Variants in GRIN2A observed in about 807,000 individuals in gnomAD.
GRIN2A encodes the protein glutamate ionotropic receptor NMDA type subunit 2A, also known as glutamate receptor ionotropic, NMDA 2A.
GRIN2A carries 22 observed loss-of-function variants against 113.4 expected under a neutral mutation model. The observed-to-expected ratio is 0.19, with a 90% confidence interval of 0.14 to 0.28. The LOEUF (loss-of-function observed/expected upper bound fraction) is 0.28, where lower values mean the gene tolerates loss of function less well. GRIN2A is among the 10% of genes least tolerant of loss of function. The probability of loss-of-function intolerance (pLI) is 1.00; values close to 1 mark genes in which losing one functional copy is unlikely to be tolerated. For missense variants in GRIN2A, 1,502 were observed against 1,887.0 expected (o/e 0.80, Z 3.78); for synonymous variants, 827 against 738.4 (o/e 1.12, Z -1.94).
In GRIN2A at chr16:9,756,826, G is replaced by A. The variant is rs148431972; in HGVS notation, c.*6323C>T. The A allele has an allele frequency of 2.5e-3, 460 of 183,158 alleles. 3 individuals carry two copies. The highest frequency in any genetic ancestry group is 0.01 in the African/African-American group (431 of 42,652). 11.3% of individuals were successfully genotyped at this position (183,158 alleles called of 1,614,324 possible). On this transcript the variant is annotated 3_prime_UTR_variant, in exon 13 of 13. Coordinates refer to ENST00000330684, the MANE Select transcript of GRIN2A (RefSeq NM_001134407.3). ...GAATGGGATAGACAGAGTGACAAAA[G>A]CTCCCTCTCCACCTCGCCATCCTTC...
chr16:10,032,400 T>C (rs530900616), intron 2 of GRIN2A, among the ~76,000 whole-genome samples: 11 of 152,360 alleles, frequency 7.2e-5, no homozygotes, highest in African/African-American at 2.6e-4. Flanking sequence ...TTTCATCTAA[T>C]TTGATACCTT....
chr16:10,036,437 C>CTTTTTTTTTTTTTTTTTT (rs1360199200), intron 2 of GRIN2A, among the ~76,000 whole-genome samples: 1 of 92,670 alleles, frequency 1.1e-5, no homozygotes, highest in Non-Finnish European at 2.3e-5. Context: ...TTAGTACTTA[C>CTTTTTTTTTTTTTTTTTT]TTTTTTTTTT....
chr16:10,042,182 T>G (rs954586345), intron 2 of GRIN2A, among the ~76,000 whole-genome samples: 1 of 152,168 alleles, frequency 6.6e-6, no homozygotes, highest in African/African-American at 2.4e-5. Context: ...TCTGCAAATT[T>G]TTCAATACTC....
At chr16:10,033,146 G>A (rs769968244) in intron 2 of GRIN2A, among the ~76,000 whole-genome samples, 12 of 152,148 alleles carry the variant, frequency 7.9e-5, no homozygotes, top group African/African-American at 2.7e-4. Flanking sequence ...CCTACCAACC[G>A]TGAACTGTTA....
chr16:10,134,653 G>A (rs1481876347), intron 2 of GRIN2A, among the ~76,000 whole-genome samples: 1 of 152,078 alleles, frequency 6.6e-6, no homozygotes, highest in Admixed American at 6.6e-5. Context: ...TTTAGGGAGT[G>A]TAATGGCCTT....
intron 3 of GRIN2A, among the ~76,000 whole-genome samples, chr16:9,933,086 G>T (rs2044633846): frequency 6.6e-6 from 1 of 152,216 alleles, no homozygotes; most frequent in African/African-American, 2.4e-5. Context: ...TTTAATAACT[G>T]TGCAGTAGCA....
intron 3 of GRIN2A, among the ~76,000 whole-genome samples, chr16:9,912,477 T>A (rs745651237): frequency 8.0e-6 from 1 of 125,344 alleles, no homozygotes; most frequent in South Asian, 2.7e-4. Flanking sequence ...AATGAAAAGA[T>A]AAAGCACTCT....
chr16:9,875,208 T>C (rs901858898), intron 4 of GRIN2A, among the ~76,000 whole-genome samples: 1 of 152,136 alleles, frequency 6.6e-6, no homozygotes, highest in African/African-American at 2.4e-5. Context: ...GGTGAATCTA[T>C]AGCCCCTAGG....
At chr16:9,929,384 ACAC>A (rs1474921537) in intron 3 of GRIN2A, among the ~76,000 whole-genome samples, 2 of 152,208 alleles carry the variant, frequency 1.3e-5, no homozygotes, top group African/African-American at 4.8e-5. Flanking sequence ...TTAGTAAAAG[ACAC>A]CACCATCTAC....
intron 2 of GRIN2A, among the ~76,000 whole-genome samples, chr16:10,016,951 T>G (rs1250692610): frequency 6.6e-6 from 1 of 152,178 alleles, no homozygotes; most frequent in Non-Finnish European, 1.5e-5. Flanking sequence ...CACTGGAAAA[T>G]GGCCCCAGGC....
intron 2 of GRIN2A, among the ~76,000 whole-genome samples, chr16:10,011,499 C>A (rs141788473): frequency 1.3e-5 from 2 of 152,218 alleles, no homozygotes; most frequent in Non-Finnish European, 2.9e-5. Flanking sequence ...CCAAATCAAC[C>A]ACTCATTCTC....
intron 2 of GRIN2A, among the ~76,000 whole-genome samples, chr16:9,976,402 T>A (rs1300969046): frequency 6.6e-6 from 1 of 152,204 alleles, no homozygotes; most frequent in Admixed American, 6.5e-5. Flanking sequence ...CTAACTGGTC[T>A]CCTGTAACCA....
chr16:10,030,833 G>T (rs2046914628), intron 2 of GRIN2A, among the ~76,000 whole-genome samples: 1 of 152,194 alleles, frequency 6.6e-6, no homozygotes, highest in Non-Finnish European at 1.5e-5. Context: ...AGGCTTCAGA[G>T]ATACAGCAGT....
chr16:10,075,521 G>C (rs1010282078), intron 2 of GRIN2A, among the ~76,000 whole-genome samples: 2 of 152,130 alleles, frequency 1.3e-5, no homozygotes, highest in African/African-American at 4.8e-5. Flanking sequence ...GATGGATACT[G>C]ATGATGATTG....
Position 9,966,588 on chromosome 16 carries a change from A to G in GRIN2A, c.415-28037T>C, listed in dbSNP as rs111750577. Among the ~76,000 whole-genome samples, 833 of 152,308 alleles carry G rather than the reference A, an allele frequency of 5.5e-3. 7 individuals carry two copies. Among genetic ancestry groups the G allele is most frequent in the African/African-American group, 0.018 (741 of 41,564 alleles). Reference sequence around the variant, plus strand: ...TGAACAGTCCTGCAAGAACATACACATGCCCGTGTCCTTATAATAGAACGA... The same window carrying G: ...TGAACAGTCCTGCAAGAACATACACGTGCCCGTGTCCTTATAATAGAACGA... On this transcript the variant is annotated intron_variant, in intron 2 of 12. Transcript: ENST00000330684.
chr16:9,985,629 T>TAA (rs761098968), intron 2 of GRIN2A, among the ~76,000 whole-genome samples: 4 of 142,372 alleles, frequency 2.8e-5, no homozygotes, highest in Non-Finnish European at 6.2e-5. Flanking sequence ...TTGTGAGAGC[T>TAA]AAAAAAAAAA....
chr16:10,172,300 G>C (rs1389988985), intron 2 of GRIN2A, among the ~76,000 whole-genome samples: 1 of 152,220 alleles, frequency 6.6e-6, no homozygotes, highest in Non-Finnish European at 1.5e-5. Context: ...TGGCTGCCTG[G>C]AGTACTGTGT....
intron 5 of GRIN2A, among the ~76,000 whole-genome samples, chr16:9,849,108 T>C (rs12597167): frequency 1.9e-5 from 1 of 52,710 alleles, no homozygotes; most frequent in East Asian, 6.6e-4. Context: ...ATATAAAATA[T>C]ACTGTTTTAT....
chr16:9,935,511 A>ATC (rs1364234875), intron 3 of GRIN2A, among the ~76,000 whole-genome samples: 4 of 91,164 alleles, frequency 4.4e-5, no homozygotes, highest in African/African-American at 1.4e-4. Flanking sequence ...TGTCTACTTC[A>ATC]TCACACACAC....
Sources: allele counts gnomAD v4.1 joint callset (sites outside exome capture counted in the v4.1 genomes callset), GRCh38; gene constraint gnomAD v4.1.1; transcripts MANE v1.5; gene names NCBI Gene and HGNC (gene_info 2026-07-23, HGNC 2026-07-21).